The following DKK2 variants were observed in gnomAD, a reference collection of about 807,000 sequenced individuals.
The protein encoded by DKK2 is dickkopf-related protein 2.
Under a neutral mutation model 28.1 loss-of-function variants are expected in DKK2, and 11 were observed. The observed-to-expected ratio is 0.39, with a 90% CI of 0.25 to 0.65. The LOEUF is 0.65. DKK2 is among the 30% of genes least tolerant of loss of function. The pLI is 0.47. For synonymous variants in DKK2, 135 were observed against 126.5 expected, an observed-to-expected ratio of 1.07 and a Z score of -0.45; for missense variants, 326 against 335.5, an observed-to-expected ratio of 0.97 and a Z score of 0.22.
At chr4:107,028,041 C>T (rs976175161) in intron 1 of DKK2, among the ~76,000 whole-genome samples, 5 of 152,128 alleles carry the variant, frequency 3.3e-5, no homozygotes, top group Admixed American at 1.3e-4. Context: ...CGTGAGCCAC[C>T]GCGCCCTGCC....
chr4:107,002,297 C>CT (rs1178181734), intron 1 of DKK2, among the ~76,000 whole-genome samples: 3 of 152,128 alleles, frequency 2.0e-5, no homozygotes, highest in Non-Finnish European at 4.4e-5. Context: ...TTATTGAACT[C>CT]TAAGTATTGA....
intron 1 of DKK2, among the ~76,000 whole-genome samples, chr4:107,019,152 ACCT>A (rs1182925203): frequency 6.6e-6 from 1 of 152,004 alleles, no homozygotes; most frequent in Non-Finnish European, 1.5e-5. Flanking sequence ...AGAGATGTTA[ACCT>A]CCTAAAACAA....
intron 1 of DKK2, among the ~76,000 whole-genome samples, chr4:107,005,117 C>T (rs1723417424): frequency 6.6e-6 from 1 of 151,936 alleles, no homozygotes; most frequent in African/African-American, 2.4e-5. Context: ...CCGAGGCGGG[C>T]GTGTCACGAT....
chr4:106,967,415 G>C (rs1395664384), intron 1 of DKK2, among the ~76,000 whole-genome samples: 1 of 152,106 alleles, frequency 6.6e-6, no homozygotes, highest in Non-Finnish European at 1.5e-5. Flanking sequence ...CTGAGGAAAA[G>C]TACCAGAAAG....
At chr4:107,013,086 C>A (rs1206381431) in intron 1 of DKK2, among the ~76,000 whole-genome samples, 1 of 151,320 alleles carries the variant, frequency 6.6e-6, no homozygotes, top group East Asian at 1.9e-4. Flanking sequence ...CCTTGACTCC[C>A]TCCAAAATTA....
chr4:107,029,178 A>C (rs1723838627), intron 1 of DKK2, among the ~76,000 whole-genome samples: 1 of 152,154 alleles, frequency 6.6e-6, no homozygotes. Context: ...AATTGGAGTT[A>C]TACCCATGTC....
intron 1 of DKK2, among the ~76,000 whole-genome samples, chr4:106,946,866 T>C (rs925909883): frequency 6.6e-5 from 10 of 151,864 alleles, no homozygotes; most frequent in African/African-American, 2.2e-4. Flanking sequence ...GCTCCTCAAA[T>C]CCCTAGAGCA....
intron 1 of DKK2, among the ~76,000 whole-genome samples, chr4:107,002,784 T>C (rs1204728412): frequency 6.6e-6 from 1 of 152,208 alleles, no homozygotes; most frequent in Non-Finnish European, 1.5e-5. Flanking sequence ...CCTGGAATAA[T>C]GTGGATGCTT....
chr4:107,014,212 A>G (rs1414007413), intron 1 of DKK2, among the ~76,000 whole-genome samples: 1 of 151,550 alleles, frequency 6.6e-6, no homozygotes, highest in Non-Finnish European at 1.5e-5. Context: ...CATGATTTAC[A>G]ATAGTCAAGA....
rs1723059571 is a variant in DKK2 at position 106,983,337 on chromosome 4, G to GAGGAAAGA, written c.222+52032_222+52033insTCTTTCCT. Among the ~76,000 whole-genome samples the GAGGAAAGA allele has an allele frequency of 2.5e-5, 3 of 120,506 alleles. No homozygotes were observed. In the South Asian group the frequency reaches 8.6e-4, roughly 35 times the overall value. 79.1% of individuals were successfully genotyped at this position (120,506 alleles called of 152,430 possible). On this transcript the variant is annotated intron_variant, in intron 1 of 3. Coordinates refer to ENST00000285311, the MANE Select transcript of DKK2 (RefSeq NM_014421.3). Reference sequence around the variant, plus strand: ...AGAAAGAAGAAAGAAAGGAAGAAAGGAAGAAAGAAAGAAAGAAAGAAAGAA... The same window carrying GAGGAAAGA: ...AGAAAGAAGAAAGAAAGGAAGAAAGGAGGAAAGAAAGAAAGAAAGAAAGAAAGAAAGAA...
At chr4:107,007,493 T>C (rs1723454502) in intron 1 of DKK2, among the ~76,000 whole-genome samples, 1 of 152,142 alleles carries the variant, frequency 6.6e-6, no homozygotes, top group Admixed American at 6.6e-5. Flanking sequence ...ATATTTTGAA[T>C]AAAAACACTA....
At position 106,979,027 on chromosome 4, in the gene DKK2, G is replaced by A. The variant is rs575364447; in HGVS notation, c.223-53078C>T. 1.7e-4 allele frequency among the ~76,000 whole-genome samples: 26 copies of A among 152,008 alleles called. No homozygotes were observed. In the Middle Eastern group the frequency reaches 0.014, roughly 80 times the overall value. On this transcript the variant is annotated intron_variant, in intron 1 of 3. Coordinates refer to ENST00000285311, the MANE Select transcript of DKK2 (RefSeq NM_014421.3). ...GGTAGGGGAAGGAGTTCCCCGACCTGTATTAATCTTAAATAAGGAAACATT... is the reference window on the plus strand; with the variant it reads ...GGTAGGGGAAGGAGTTCCCCGACCTATATTAATCTTAAATAAGGAAACATT...
intron 1 of DKK2, among the ~76,000 whole-genome samples, chr4:107,022,050 C>A (rs1178620887): frequency 1.3e-5 from 2 of 151,928 alleles, no homozygotes; most frequent in African/African-American, 4.8e-5. Context: ...AGAATGTTTC[C>A]ATCCTTAACT....
intron 1 of DKK2, among the ~76,000 whole-genome samples, chr4:106,948,586 T>A (rs1724813129): frequency 1.3e-5 from 2 of 152,168 alleles, no homozygotes; most frequent in Non-Finnish European, 2.9e-5. Context: ...CCATGTAGAT[T>A]AGAATTAAAT....
intron 1 of DKK2, among the ~76,000 whole-genome samples, chr4:106,990,717 TTTA>T (rs1475578615): frequency 6.6e-6 from 1 of 152,082 alleles, no homozygotes; most frequent in African/African-American, 2.4e-5. Flanking sequence ...GCTAGTGTCT[TTTA>T]TTGGCCAAAC....
At chr4:106,953,899 T>C (rs573947898) in intron 1 of DKK2, among the ~76,000 whole-genome samples, 12 of 152,336 alleles carry the variant, frequency 7.9e-5, no homozygotes, top group Admixed American at 3.3e-4. Flanking sequence ...AGTTTTCTTA[T>C]GGTAAAAAGT....
chr4:106,940,766 A>G (rs1724683944), intron 1 of DKK2, among the ~76,000 whole-genome samples: 1 of 152,194 alleles, frequency 6.6e-6, no homozygotes, highest in African/African-American at 2.4e-5. Context: ...ACACCACGGA[A>G]TACTATGCAG....
In DKK2 at chr4:107,035,564, A is replaced by G. The variant is rs781371042; in HGVS notation, c.28T>C (p.Ser10Pro). MAALMRSKDSSCCLLLLAAV... is the reference protein window; with the variant it reads MAALMRSKDPSCCLLLLAAV... ...GCCAGTAGGAGCAGGCAGCAGGACG[A>G]ATCCTTGCTCCGCATCAACGCGGCC... The change falls in exon 1 of 4, where the codon TCG (serine) becomes CCG (proline). Residue 10 changes from serine (S) to proline (P), a missense_variant. Transcript: ENST00000285311. 3 of 1,614,044 alleles carry G rather than the reference A, an allele frequency of 1.9e-6. No homozygotes were observed. The highest frequency in any genetic ancestry group is 2.5e-6 in the Non-Finnish European group (3 of 1,180,044).
intron 1 of DKK2, among the ~76,000 whole-genome samples, chr4:107,006,864 G>A (rs192687426): frequency 6.8e-4 from 103 of 152,306 alleles, no homozygotes; most frequent in Admixed American, 2.4e-3. Context: ...TGAGAGCTAA[G>A]TAAAAGGAAA....
Sources: allele counts gnomAD v4.1 joint callset (sites outside exome capture counted in the v4.1 genomes callset), GRCh38; gene constraint gnomAD v4.1.1; transcripts MANE v1.5; gene names NCBI Gene and HGNC (gene_info 2026-07-23, HGNC 2026-07-21).